The following TNS3 variants were observed in gnomAD, a reference collection of about 807,000 sequenced individuals.
The protein encoded by TNS3 is tensin 3.
A neutral mutation model predicts 140.9 loss-of-function variants in TNS3; 45 were observed. The ratio of observed to expected loss-of-function variants is 0.32; its 90% CI spans 0.25 to 0.41. The LOEUF is 0.41. TNS3 is among the 10% of genes least tolerant of loss of function. The probability of loss-of-function intolerance (pLI) is 1.00; values close to 1 mark genes in which losing one functional copy is unlikely to be tolerated. For synonymous variants in TNS3, 815 were observed against 788.4 expected (o/e 1.03, Z -0.56); for missense variants, 1,716 against 1,906.7 (o/e 0.90, Z 1.86).
rs1360696918 is a variant in TNS3, at chr7:47,474,280, AACACAC to A, written c.-76+6817_-76+6822del. Among the ~76,000 whole-genome samples the A allele has an allele frequency of 9.8e-5, 11 of 111,882 alleles. No homozygotes were observed. In the South Asian group the frequency reaches 3.4e-3, roughly 35 times the overall value. The allele number at this position is 111,882 out of a possible 152,430, so 73.4% of individuals were successfully genotyped here. A position where few individuals can be genotyped will look rare whatever the true frequency, so the allele number is the denominator to read the frequency against. On this transcript the variant is annotated intron_variant, in intron 4 of 30. Transcript: ENST00000311160. ...CACATACACAAAACACTTCACACACAACACACACACATAAACACACACAGCACACAC... is the reference window on the plus strand; with the variant it reads ...CACATACACAAAACACTTCACACACAACACATAAACACACACAGCACACAC...
intron 4 of TNS3, among the ~76,000 whole-genome samples, chr7:47,448,153 C>T (rs748306408): frequency 3.3e-5 from 5 of 152,246 alleles, no homozygotes; most frequent in Non-Finnish European, 7.3e-5. Flanking sequence ...CACATCAACA[C>T]CATGGCCACC....
Position 47,550,896 on chromosome 7 carries a change from G to A in TNS3, c.-264-21749C>T, listed in dbSNP as rs115763388. On this transcript the variant is annotated intron_variant, in intron 1 of 30. Coordinates refer to ENST00000311160, the MANE Select transcript of TNS3 (RefSeq NM_022748.12). Reference sequence around the variant, plus strand: ...CAAAACAAAACAGACCTAAGTTTTGGTCATTCCTAAACAGTCTTACCCCAC... The same window carrying A: ...CAAAACAAAACAGACCTAAGTTTTGATCATTCCTAAACAGTCTTACCCCAC... 5.5e-3 allele frequency among the ~76,000 whole-genome samples: 831 copies of A among 152,228 alleles called. 5 individuals are homozygous for A. Among genetic ancestry groups the A allele is most frequent in the African/African-American group, 0.019 (793 of 41,518 alleles).
chr7:47,443,840 G>C (rs1258724350), intron 4 of TNS3, among the ~76,000 whole-genome samples: 1 of 152,182 alleles, frequency 6.6e-6, no homozygotes, highest in Non-Finnish European at 1.5e-5. Flanking sequence ...AGAATCACTT[G>C]AACCTGGGAG....
At chr7:47,388,590 C>T (rs1490349003) in intron 16 of TNS3, among the ~76,000 whole-genome samples, 3 of 152,144 alleles carry the variant, frequency 2.0e-5, no homozygotes, top group African/African-American at 7.2e-5. Flanking sequence ...GTAGGCCAGG[C>T]GTGGTGGCTC....
At chr7:47,512,557 C>T (rs1798647700) in intron 2 of TNS3, among the ~76,000 whole-genome samples, 1 of 152,110 alleles carries the variant, frequency 6.6e-6, no homozygotes, top group East Asian at 1.9e-4. Flanking sequence ...TTACAAAAGG[C>T]AAGGCTAACA....
chr7:47,481,194 A>G (rs1295878599), intron 3 of TNS3, 53 bp from the exon 4 acceptor site: 1 of 1,266,812 alleles, frequency 7.9e-7, no homozygotes, highest in Admixed American at 2.3e-5. Context: ...GGAAAAAATT[A>G]GCATAATAAT....
chr7:47,400,904 T>C lies in TNS3; in HGVS notation c.734A>G (p.Tyr245Cys). 3 of 1,614,164 alleles carry C rather than the reference T, an allele frequency of 1.9e-6. No homozygotes were observed. Among genetic ancestry groups the C allele is most frequent in the Non-Finnish European group, 2.5e-6 (3 of 1,179,994 alleles). ...LLKGDVMVKC[Y>C]HKKYRSATRD... ...GGTGGCCGAGCGGTATTTCTTGTGG[T>C]AGCATTTCACCTGGGTTAGAGAGAC... The change falls in exon 14 of 31, where the codon TAC becomes TGC. Residue 245 changes from tyrosine (Y) to cysteine (C), a missense_variant. Tyr to Cys is a radical substitution (Grantham distance 194, BLOSUM62 -2). Around this residue, in one of 3 missense-constraint regions of TNS3, gnomAD observed 337 missense variants for 428.9 expected, o/e 0.79. Coordinates refer to ENST00000311160, the MANE Select transcript of TNS3 (RefSeq NM_022748.12).
At chr7:47,303,936 A>G (rs1206242893) in intron 21 of TNS3, among the ~76,000 whole-genome samples, 1 of 152,136 alleles carries the variant, frequency 6.6e-6, no homozygotes, top group Non-Finnish European at 1.5e-5. Flanking sequence ...GACGCAGCTC[A>G]GCTGTGCACC....
intron 1 of TNS3, among the ~76,000 whole-genome samples, chr7:47,571,266 C>T (rs147555232): frequency 1.3e-5 from 2 of 152,340 alleles, no homozygotes; most frequent in East Asian, 3.9e-4. Flanking sequence ...GAGGTCCGTG[C>T]TATCAACACA....
rs1178470058 is a variant in TNS3, at chr7:47,344,975, C to T, written c.2515G>A (p.Glu839Lys). The change falls in exon 19 of 31, where the codon GAG becomes AAG. Residue 839 changes from glutamate to lysine, a missense_variant. Glu to Lys is a moderately conservative substitution (Grantham distance 56). Transcript: ENST00000311160. ...AATGCTGGAGTTGAACACATGGACT[C>T]CTTGCTACTTAAAATTCTGCCATCG... ...IIDGRILSSKESMCSTPAFPV... is the reference protein window; with the variant it reads ...IIDGRILSSKKSMCSTPAFPV... 2 of 1,614,232 alleles carry T rather than the reference C, an allele frequency of 1.2e-6. No homozygotes were observed. The highest frequency in any genetic ancestry group is 1.7e-6 in the Non-Finnish European group (2 of 1,180,056).
At chr7:47,319,415 C>CAGAG (rs144100178) in intron 20 of TNS3, among the ~76,000 whole-genome samples, 7 of 148,752 alleles carry the variant, frequency 4.7e-5, no homozygotes, top group African/African-American at 9.8e-5. Context: ...GAGAGAGAGA[C>CAGAG]AGAGAGAGAG....
intron 20 of TNS3, among the ~76,000 whole-genome samples, chr7:47,344,197 A>C (rs1334760720): frequency 6.6e-6 from 1 of 152,196 alleles, no homozygotes; most frequent in Admixed American, 6.5e-5. Flanking sequence ...AGAAGTGCAC[A>C]GTAACTCGCC....
At position 47,435,554 on chromosome 7, in the gene TNS3, A is replaced by G. The variant is rs76259328; in HGVS notation, c.202-150T>C. On this transcript the variant is annotated intron_variant, in intron 7 of 30. Transcript: ENST00000311160. ...TTCCTAAAACTCAGTGAGCATGAGG[A>G]TCAACTTCCTTCACTGGGAAGAAAA... 3.5e-3 allele frequency: 3,942 copies of G among 1,118,056 alleles called. 97 individuals are homozygous for G. In the African/African-American group the frequency reaches 0.056, roughly 16 times the overall value. 69.3% of individuals were successfully genotyped at this position (1,118,056 alleles called of 1,614,324 possible).
chr7:47,365,796 C>T (rs1402226036), intron 17 of TNS3, among the ~76,000 whole-genome samples: 1 of 151,978 alleles, frequency 6.6e-6, no homozygotes, highest in Admixed American at 6.6e-5. Flanking sequence ...ATGAGTTTAC[C>T]AAGTAATTTA....
rs61620854 is a variant in TNS3 at position 47,455,717 on chromosome 7, C to T, written c.-75-13662G>A. Among the ~76,000 whole-genome samples the T allele has an allele frequency of 8.6e-3, 1,315 of 152,260 alleles. 31 individuals carry two copies. The highest frequency in any genetic ancestry group is 0.03 in the African/African-American group (1,247 of 41,534). On this transcript the variant is annotated intron_variant, in intron 4 of 30. Transcript: ENST00000311160. ...GAGAAGGCAGTGCCAGAGGTGGCGG[C>T]GATGGGCACCTGGGAGAAGAAGAGC...
intron 4 of TNS3, among the ~76,000 whole-genome samples, chr7:47,477,241 C>G (rs896636050): frequency 6.6e-6 from 1 of 152,184 alleles, no homozygotes; most frequent in African/African-American, 2.4e-5. Flanking sequence ...ATGCCCTCAG[C>G]CAGCACAACT....
At chr7:47,301,101 G>A (rs1170707792) in intron 23 of TNS3, among the ~76,000 whole-genome samples, 3 of 152,192 alleles carry the variant, frequency 2.0e-5, no homozygotes, top group Admixed American at 1.3e-4. Context: ...TCTTCATAAG[G>A]AGAGAGCTTG....
intron 20 of TNS3, among the ~76,000 whole-genome samples, chr7:47,341,005 G>T (rs974026223): frequency 6.6e-6 from 1 of 152,092 alleles, no homozygotes. Flanking sequence ...TGATATAGTC[G>T]TGAGCTTTTT....
At position 47,309,628 on chromosome 7, in the gene TNS3, G is replaced by A. The variant is rs114336488; in HGVS notation, c.2651-4625C>T. ...ACAAATGTTCAATGTTATGGCTAAA[G>A]AGAAAGAGGTTAAACAGATGTTTAT... On this transcript the variant is annotated intron_variant, in intron 20 of 30. Transcript: ENST00000311160. 7.9e-3 allele frequency among the ~76,000 whole-genome samples: 1,211 copies of A among 152,340 alleles called. 15 individuals are homozygous for A. Among genetic ancestry groups the A allele is most frequent in the African/African-American group, 0.027 (1,134 of 41,578 alleles).
Sources: gnomAD v4.1 joint callset for allele counts (sites outside exome capture counted in the v4.1 genomes callset) on GRCh38, gnomAD v4.1.1 for gene constraint, gnomAD v4.1.1 regional missense constraint, MANE v1.5 for transcripts, NCBI Gene and HGNC (gene_info 2026-07-23, HGNC 2026-07-21) for gene names.